The following DOCK1 variants were observed in gnomAD, a reference collection of about 807,000 sequenced individuals.
DOCK1 encodes dedicator of cytokinesis 1.
DOCK1 carries 138 observed loss-of-function variants against 262.7 expected under a neutral mutation model. The observed-to-expected ratio is 0.53, with a 90% CI of 0.46 to 0.61. The LOEUF is 0.61. Ranked by LOEUF, DOCK1 falls within the 20% of genes least tolerant of loss-of-function variation. The pLI is 0.00. For missense variants in DOCK1, 1,908 were observed against 2,370.7 expected (o/e 0.80, Z 4.05); for synonymous variants, 866 against 867.4 (o/e 1.00, Z 0.03).
intron 27 of DOCK1, among the ~76,000 whole-genome samples, chr10:127,217,424 T>G (rs114310235): frequency 0.01 from 1,574 of 152,334 alleles, 36 homozygotes; most frequent in African/African-American, 0.036. Context: ...CTATCATGTG[T>G]ATTGGCAGTC....
chr10:127,362,059 C>G lies in DOCK1; in HGVS notation c.3284-5C>G. On this transcript the variant is annotated splice_region_variant and splice_polypyrimidine_tract_variant and intron_variant, in intron 32 of 51. Transcript: ENST00000623213. ...TTTCTGAATATTGTACCTCTTTTTT[C>G]CAAGGTCAACACAAGATAAAGTTCA... 6.3e-7 allele frequency: 1 copy of G among 1,591,904 alleles called. No homozygotes were observed. The highest frequency in any genetic ancestry group is 8.5e-7 in the Non-Finnish European group (1 of 1,172,770).
chr10:127,276,880 C>T (rs1488331010), intron 29 of DOCK1, among the ~76,000 whole-genome samples: 1 of 135,938 alleles, frequency 7.4e-6, no homozygotes, highest in Non-Finnish European at 1.7e-5. Flanking sequence ...ACTTTACCTT[C>T]CTAGTTCCTC....
chr10:127,043,835 G>T (rs2044172222), intron 21 of DOCK1, among the ~76,000 whole-genome samples: 1 of 152,192 alleles, frequency 6.6e-6, no homozygotes, highest in Admixed American at 6.5e-5. Flanking sequence ...TGGGCAAGTT[G>T]CTTAACCTCT....
chr10:127,408,433 G>A (rs1007794779), intron 40 of DOCK1, among the ~76,000 whole-genome samples: 1 of 152,164 alleles, frequency 6.6e-6, no homozygotes, highest in Non-Finnish European at 1.5e-5. Flanking sequence ...TCACTCACTC[G>A]GGGGAGGCCA....
chr10:126,953,175 T>C (rs2036459285), intron 1 of DOCK1, among the ~76,000 whole-genome samples: 1 of 151,578 alleles, frequency 6.6e-6, no homozygotes, highest in Non-Finnish European at 1.5e-5. Flanking sequence ...GGTATTGTTA[T>C]TGGCAGCGAT....
chr10:127,282,379 T>C (rs940977984), intron 29 of DOCK1, among the ~76,000 whole-genome samples: 1 of 152,176 alleles, frequency 6.6e-6, no homozygotes, highest in Non-Finnish European at 1.5e-5. Flanking sequence ...AGGCATAGAC[T>C]TGTTGACTTG....
At chr10:127,392,688 T>C (rs866689075) in intron 38 of DOCK1, among the ~76,000 whole-genome samples, 1 of 152,192 alleles carries the variant, frequency 6.6e-6, no homozygotes, top group African/African-American at 2.4e-5. Flanking sequence ...TAACGGATCT[T>C]GCATCCTGAC....
In DOCK1 at chr10:127,176,639, C is replaced by T. The variant is rs2055188662; in HGVS notation, c.2847+48875C>T. 6.6e-6 allele frequency among the ~76,000 whole-genome samples: 1 copy of T among 152,168 alleles called. No homozygotes were observed. Among genetic ancestry groups the T allele is most frequent in the Admixed American group, 6.5e-5 (1 of 15,272 alleles). ...TTCCAGGTGGGATACACTCGCTTTC[C>T]TTTTGACAGTAATGCATGTTTCCCC... On this transcript the variant is annotated intron_variant, in intron 27 of 51. Transcript: ENST00000623213. This position sits in a 1 kb window ranked among gnomAD's most constrained non-coding sequence, Gnocchi z 4.4.
chr10:127,169,097 G>C (rs1435973586), intron 27 of DOCK1, among the ~76,000 whole-genome samples: 2 of 152,128 alleles, frequency 1.3e-5, no homozygotes, highest in Admixed American at 1.3e-4. Context: ...GTTCTGTGAT[G>C]GCTTTTTATT....
At chr10:127,419,771 C>T (rs1417926867) in intron 46 of DOCK1, 22 bp downstream of exon 46, 1 of 1,571,284 alleles carries the variant, frequency 6.4e-7, no homozygotes, top group East Asian at 2.4e-5. Flanking sequence ...AGCAAGAGTC[C>T]TGCATGGCTG....
chr10:126,950,311 T>G (rs1044319088), intron 1 of DOCK1, among the ~76,000 whole-genome samples: 1 of 152,084 alleles, frequency 6.6e-6, no homozygotes, highest in Non-Finnish European at 1.5e-5. Context: ...ACCTGGGATC[T>G]TGGGTGGTAA....
chr10:127,318,780 G>A (rs778966850), intron 29 of DOCK1, among the ~76,000 whole-genome samples: 4 of 152,210 alleles, frequency 2.6e-5, no homozygotes, highest in Non-Finnish European at 4.4e-5. Flanking sequence ...TTAGGCAGGG[G>A]CTCAGATAGT....
At chr10:127,015,129 T>G (rs2041762474) in intron 12 of DOCK1, 1 of 151,650 alleles carries the variant, frequency 6.6e-6, no homozygotes, top group African/African-American at 2.4e-5. Flanking sequence ...TCTTCCTTCT[T>G]CAAACTCTCC....
intron 11 of DOCK1, among the ~76,000 whole-genome samples, chr10:127,009,121 A>G (rs1455386213): frequency 1.3e-5 from 2 of 152,182 alleles, no homozygotes; most frequent in Non-Finnish European, 2.9e-5. Flanking sequence ...TCTAGTAGCT[A>G]TTTGTATTTT....
In DOCK1 at chr10:127,110,343, TCA is replaced by T; in HGVS notation, c.2617_2618del (p.Gln873AlafsTer2). On this transcript the variant is annotated frameshift_variant, in exon 25 of 52. Coordinates refer to ENST00000623213, the MANE Select transcript of DOCK1 (RefSeq NM_001290223.2). LOFTEE classifies it high-confidence loss of function. ...ATCGAAATCGTCCACAGTGACCTCTTCACACAGCATGGTGAGTGGAACCCCAA... is the reference window on the plus strand; with the variant it reads ...ATCGAAATCGTCCACAGTGACCTCTTCACAGCATGGTGAGTGGAACCCCAA... The T allele has an allele frequency of 6.2e-7, 1 of 1,612,570 alleles. No homozygotes were observed. Among genetic ancestry groups the T allele is most frequent in the Non-Finnish European group, 8.5e-7 (1 of 1,179,234 alleles).
chr10:127,430,156 G>T (rs370008921), intron 47 of DOCK1, among the ~76,000 whole-genome samples: 19 of 152,090 alleles, frequency 1.2e-4, no homozygotes, highest in Non-Finnish European at 2.2e-4. Context: ...TCTAGCTGTG[G>T]TATCCCCTGG....
intron 2 of DOCK1, among the ~76,000 whole-genome samples, chr10:126,974,626 T>TTCCGTTCTGTTCTCTTACTC (rs1220825267): frequency 6.6e-6 from 1 of 152,156 alleles, no homozygotes; most frequent in Non-Finnish European, 1.5e-5. Flanking sequence ...CAGGTAATCG[T>TTCCGTTCTGTTCTCTTACTC]TCCGTTCTGT....
intron 29 of DOCK1, among the ~76,000 whole-genome samples, chr10:127,277,473 A>G (rs537000654): frequency 5.3e-5 from 8 of 152,216 alleles, no homozygotes; most frequent in African/African-American, 1.9e-4. Flanking sequence ...AAAGTTGAAT[A>G]AGGGCTGGGC....
chr10:127,181,668 C>T (rs527994959), intron 27 of DOCK1, among the ~76,000 whole-genome samples: 2 of 152,240 alleles, frequency 1.3e-5, no homozygotes, highest in African/African-American at 4.8e-5. Flanking sequence ...CTTCCATATG[C>T]CAAGGGGGTG....
Sources: gnomAD v4.1 joint callset for allele counts (sites outside exome capture counted in the v4.1 genomes callset) on GRCh38, gnomAD v4.1.1 for gene constraint, Gnocchi (gnomAD v3.1) non-coding constraint, MANE v1.5 for transcripts, NCBI Gene and HGNC (gene_info 2026-07-23, HGNC 2026-07-21) for gene names.